Variants in HMGA2 observed in about 807,000 individuals in gnomAD.
The protein encoded by HMGA2 is high mobility group AT-hook 2, also known as high mobility group protein HMGI-C.
HMGA2 carries 8 observed loss-of-function variants against 19.1 expected under a neutral mutation model. The ratio of observed to expected loss-of-function variants is 0.42; its 90% CI spans 0.25 to 0.76. The LOEUF is 0.76. Among genes scored for constraint, HMGA2 ranks in the 30% least tolerant of loss-of-function variants. The probability of loss-of-function intolerance (pLI) is 0.28; values close to 1 mark genes in which losing one functional copy is unlikely to be tolerated. For missense variants in HMGA2, 109 were observed against 136.3 expected (o/e 0.80, Z 1.00); for synonymous variants, 60 against 48.8 (o/e 1.23, Z -0.96).
At chr12:65,838,992 C>A (rs796227996) in intron 3 of HMGA2, among the ~76,000 whole-genome samples, 1 of 89,452 alleles carries the variant, frequency 1.1e-5, no homozygotes, top group Non-Finnish European at 1.9e-5. Context: ...CTTTCTTTTT[C>A]TTTTTCTTTT....
intron 3 of HMGA2, among the ~76,000 whole-genome samples, chr12:65,866,508 A>G (rs1165335282): frequency 6.6e-6 from 1 of 152,190 alleles, no homozygotes; most frequent in Non-Finnish European, 1.5e-5. Context: ...CTAACTGAGC[A>G]TTCACCTTTG....
At chr12:65,853,094 G>C (rs1871556488) in intron 3 of HMGA2, among the ~76,000 whole-genome samples, 2 of 152,190 alleles carry the variant, frequency 1.3e-5, no homozygotes, top group South Asian at 4.1e-4. Flanking sequence ...TGAGGGGGAA[G>C]GTTGCCGACT....
chr12:65,941,274 G>T (rs762725869), intron 3 of HMGA2, among the ~76,000 whole-genome samples: 3 of 152,138 alleles, frequency 2.0e-5, no homozygotes, highest in African/African-American at 4.8e-5. Flanking sequence ...CTGAGGAAAG[G>T]TCATCAATCC....
At position 65,824,979 on chromosome 12, in the gene HMGA2, T is replaced by G. The variant is rs180919809; in HGVS notation, c.-292T>G. The G allele has an allele frequency of 2.5e-5, 10 of 402,652 alleles. No homozygotes were observed. Among genetic ancestry groups the G allele is most frequent in the Non-Finnish European group, 4.5e-5 (10 of 224,684 alleles). The allele number at this position is 402,652 out of a possible 1,614,324, so 24.9% of individuals were successfully genotyped here. On this transcript the variant is annotated 5_prime_UTR_variant, in exon 1 of 5. Coordinates refer to ENST00000403681, the MANE Select transcript of HMGA2 (RefSeq NM_003483.6). ...CCCTCCTCCTCTTGCTACCTCCACC[T>G]CCACCGCCACCTCCACCTCCGGCAC...
intron 3 of HMGA2, chr12:65,915,168 A>G: frequency 6.2e-7 from 1 of 1,612,096 alleles, no homozygotes; most frequent in Non-Finnish European, 8.5e-7. Flanking sequence ...TCTTCATGTT[A>G]TTTTCACCTT....
chr12:65,826,998 G>A (rs980948753), intron 1 of HMGA2: 3 of 152,152 alleles, frequency 2.0e-5, no homozygotes, highest in Non-Finnish European at 4.4e-5. Context: ...GGACGTTCAT[G>A]GGTTTTAAGT....
intron 3 of HMGA2, among the ~76,000 whole-genome samples, chr12:65,849,872 C>T (rs1221586704): frequency 6.6e-6 from 1 of 151,592 alleles, no homozygotes; most frequent in African/African-American, 2.4e-5. Flanking sequence ...GTGCCTGCCA[C>T]CACGCCTGGC....
At chr12:65,829,437 C>A (rs1870378166) in intron 2 of HMGA2, among the ~76,000 whole-genome samples, 1 of 151,918 alleles carries the variant, frequency 6.6e-6, no homozygotes, top group Non-Finnish European at 1.5e-5. Context: ...TTCATTTTAT[C>A]TCATTTATAA....
intron 3 of HMGA2, among the ~76,000 whole-genome samples, chr12:65,890,769 G>A (rs1357539745): frequency 6.6e-6 from 1 of 150,690 alleles, no homozygotes; most frequent in Non-Finnish European, 1.5e-5. Flanking sequence ...CTGTCACCCA[G>A]GCTGAAGTGC....
chr12:65,900,379 G>A (rs533980693), intron 3 of HMGA2, among the ~76,000 whole-genome samples: 1 of 152,166 alleles, frequency 6.6e-6, no homozygotes, highest in South Asian at 2.1e-4. Context: ...CTTCTCCCCT[G>A]GACTCCTTTT....
intron 3 of HMGA2, chr12:65,948,606 T>C (rs184497087): frequency 9.2e-4 from 140 of 152,448 alleles, no homozygotes; most frequent in African/African-American, 3.0e-3. Flanking sequence ...TCTGGAGCCA[T>C]TGGGTGCCAG....
chr12:65,855,684 A>G (rs899533939), intron 3 of HMGA2, among the ~76,000 whole-genome samples: 16 of 148,710 alleles, frequency 1.1e-4, no homozygotes, highest in Non-Finnish European at 4.5e-5. Context: ...GTGTTTGTTT[A>G]GGTAACCAGA....
chr12:65,952,041 C>T (rs1303708381), intron 4 of HMGA2: 2 of 256,650 alleles, frequency 7.8e-6, no homozygotes, highest in African/African-American at 2.2e-5. Flanking sequence ...ATAATCTGTA[C>T]ATAGAAACAT....
chr12:65,914,257 T>C (rs1227249041), intron 3 of HMGA2, among the ~76,000 whole-genome samples: 11 of 151,948 alleles, frequency 7.2e-5, no homozygotes, highest in Non-Finnish European at 1.5e-4. Flanking sequence ...TGTCCAACAA[T>C]GTTAGACTGG....
chr12:65,825,249 G>C lies in HMGA2; in HGVS notation c.-22G>C, dbSNP rs866070358. The C allele has an allele frequency of 2.6e-6, 4 of 1,521,122 alleles. No individual in the cohort carries two copies. The highest frequency in any genetic ancestry group is 1.2e-5 in the South Asian group (1 of 82,760). 94.2% of individuals were successfully genotyped at this position (1,521,122 alleles called of 1,614,324 possible). On this transcript the variant is annotated 5_prime_UTR_variant, in exon 1 of 5. Coordinates refer to ENST00000403681, the MANE Select transcript of HMGA2 (RefSeq NM_003483.6). The surrounding 1 kb of genome is among the most constrained non-coding windows in gnomAD (Gnocchi z 4.4). ...GTCGAGGCGAAGCGGCTGCAGCGGC[G>C]GTAGCGGCGGCGGGAGGCAGGATGA...
At chr12:65,886,025 C>T (rs542449746) in intron 3 of HMGA2, among the ~76,000 whole-genome samples, 36 of 152,304 alleles carry the variant, frequency 2.4e-4, no homozygotes, top group African/African-American at 8.4e-4. Flanking sequence ...CAAGCTGCTG[C>T]TCTGCCTATG....
Position 65,825,251 on chromosome 12 carries a change from T to TAGCGGCGGC in HMGA2, c.-19_-11dup. 1 of 1,522,494 alleles carries TAGCGGCGGC rather than the reference T, an allele frequency of 6.6e-7. No individual in the cohort carries two copies. Among genetic ancestry groups the TAGCGGCGGC allele is most frequent in the Non-Finnish European group, 8.8e-7 (1 of 1,139,260 alleles). The allele number at this position is 1,522,494 out of a possible 1,614,324, so 94.3% of individuals were successfully genotyped here. Reference sequence around the variant, plus strand: ...CGAGGCGAAGCGGCTGCAGCGGCGGTAGCGGCGGCGGGAGGCAGGATGAGC... The same window carrying TAGCGGCGGC: ...CGAGGCGAAGCGGCTGCAGCGGCGGTAGCGGCGGCAGCGGCGGCGGGAGGCAGGATGAGC... On this transcript the variant is annotated 5_prime_UTR_variant, in exon 1 of 5. Coordinates refer to ENST00000403681, the MANE Select transcript of HMGA2 (RefSeq NM_003483.6). This position sits in a 1 kb window ranked among gnomAD's most constrained non-coding sequence, Gnocchi z 4.4.
At chr12:65,938,494 C>A (rs1565737869) in intron 3 of HMGA2, among the ~76,000 whole-genome samples, 2 of 152,090 alleles carry the variant, frequency 1.3e-5, no homozygotes, top group African/African-American at 4.8e-5. Context: ...ACAGGGAGAT[C>A]AAATTATATT....
chr12:65,912,007 C>T (rs891688183), intron 3 of HMGA2, among the ~76,000 whole-genome samples: 6 of 152,082 alleles, frequency 3.9e-5, no homozygotes, highest in South Asian at 2.1e-4. Flanking sequence ...ATAGATAATA[C>T]GTTGTATGGA....
Sources: allele counts gnomAD v4.1 joint callset (sites outside exome capture counted in the v4.1 genomes callset), GRCh38; gene constraint gnomAD v4.1.1; non-coding constraint Gnocchi (gnomAD v3.1); transcripts MANE v1.5; gene names NCBI Gene and HGNC (gene_info 2026-07-23, HGNC 2026-07-21).